PLXNA4: variants seen among roughly 807,000 people sequenced by gnomAD.
PLXNA4 encodes plexin-A4.
Under a neutral mutation model 191.8 loss-of-function variants are expected in PLXNA4, and 44 were observed. That is an observed-to-expected ratio of 0.23 (90% CI 0.18 to 0.29). PLXNA4 has a LOEUF of 0.29. Among genes scored for constraint, PLXNA4 ranks in the 10% least tolerant of loss-of-function variants. PLXNA4 has a pLI of 1.00. For missense variants in PLXNA4, 1,800 were observed against 2,488.8 expected (o/e 0.72, Z 5.89); for synonymous variants, 1,082 against 1,009.5 (o/e 1.07, Z -1.36).
At chr7:132,222,333 T>A (rs1359286114) in intron 9 of PLXNA4, among the ~76,000 whole-genome samples, 1 of 152,188 alleles carries the variant, frequency 6.6e-6, no homozygotes, top group African/African-American at 2.4e-5. Flanking sequence ...ACATTGACCT[T>A]CCCTTTCAGC....
intron 4 of PLXNA4, among the ~76,000 whole-genome samples, chr7:132,293,097 C>A (rs1005769798): frequency 3.9e-5 from 6 of 152,120 alleles, no homozygotes; most frequent in African/African-American, 1.2e-4. Flanking sequence ...GCCAAGGGAC[C>A]ATGCCAGGAG....
At chr7:132,187,369 C>T (rs1353248641) in intron 15 of PLXNA4, 102 bp downstream of exon 15, 2 of 1,500,120 alleles carry the variant, frequency 1.3e-6, no homozygotes, top group South Asian at 2.7e-5. Flanking sequence ...CAGGTGGTTA[C>T]ACCCTCCCAA....
chr7:132,477,657 A>AT (rs1479715922), intron 3 of PLXNA4, among the ~76,000 whole-genome samples: 1 of 152,120 alleles, frequency 6.6e-6, no homozygotes, highest in Non-Finnish European at 1.5e-5. Context: ...CTTCAAATAC[A>AT]TTTTTTTATT....
chr7:132,275,984 G>GCC (rs1800262168), intron 4 of PLXNA4, among the ~76,000 whole-genome samples: 1 of 152,194 alleles, frequency 6.6e-6, no homozygotes, highest in Non-Finnish European at 1.5e-5. Flanking sequence ...TATGCAGAAA[G>GCC]AGCTTCCTGG....
intron 2 of PLXNA4, among the ~76,000 whole-genome samples, chr7:132,504,997 C>A (rs1000652459): frequency 6.6e-6 from 1 of 152,168 alleles, no homozygotes; most frequent in Non-Finnish European, 1.5e-5. Context: ...CGGGTATCTG[C>A]CAAATCAAAG....
chr7:132,377,776 T>C (rs1804720988), intron 3 of PLXNA4, among the ~76,000 whole-genome samples: 1 of 152,120 alleles, frequency 6.6e-6, no homozygotes, highest in Non-Finnish European at 1.5e-5. Flanking sequence ...CAGGAAGGTA[T>C]GGCCAGGGGT....
intron 4 of PLXNA4, among the ~76,000 whole-genome samples, chr7:132,274,027 A>C (rs959587961): frequency 6.6e-6 from 1 of 152,070 alleles, no homozygotes; most frequent in Non-Finnish European, 1.5e-5. Context: ...GGGCAACAAC[A>C]TGGATAAAGG....
chr7:132,177,186 TGTGCATGC>T (rs1226661505), intron 20 of PLXNA4, among the ~76,000 whole-genome samples: 1 of 151,694 alleles, frequency 6.6e-6, no homozygotes, highest in Non-Finnish European at 1.5e-5. Context: ...TGTATGTGAG[TGTGCATGC>T]ATGTGTGCAT....
intron 3 of PLXNA4, among the ~76,000 whole-genome samples, chr7:132,453,100 TG>T (rs1397345483): frequency 3.3e-5 from 5 of 151,800 alleles, no homozygotes; most frequent in Admixed American, 2.6e-4. Flanking sequence ...ACAAGAGAAG[TG>T]GAGGAAAAGG....
chr7:132,208,062 G>C (rs567313544), intron 10 of PLXNA4, among the ~76,000 whole-genome samples: 2 of 151,308 alleles, frequency 1.3e-5, no homozygotes, highest in Middle Eastern at 3.4e-3. Context: ...ATGGTACCCT[G>C]TTTTCTGTAA....
At chr7:132,378,659 G>A (rs766269729) in intron 3 of PLXNA4, among the ~76,000 whole-genome samples, 9 of 152,002 alleles carry the variant, frequency 5.9e-5, no homozygotes, top group African/African-American at 1.7e-4. Context: ...TCTCTCCTGC[G>A]CAAAATGAGG....
intron 1 of PLXNA4, among the ~76,000 whole-genome samples, chr7:132,531,187 C>A (rs1799603467): frequency 6.6e-6 from 1 of 152,176 alleles, no homozygotes; most frequent in African/African-American, 2.4e-5. Flanking sequence ...ATTAATGCCA[C>A]TGAATTTTAC....
In PLXNA4 at chr7:132,385,255, G is replaced by A. The variant is rs183271681; in HGVS notation, c.1372-87033C>T. The A allele has an allele frequency of 6.6e-3, 10,628 of 1,613,960 alleles. 37 individuals are homozygous for A. The highest frequency in any genetic ancestry group is 8.2e-3 in the Non-Finnish European group (9,704 of 1,179,924). ...TGTTGCTCTGTGGGATCGGGGTCCC[G>A]TCTGTAGCTCAAGGGTAGGGCAGAG... is the stretch of plus-strand genomic sequence containing the variant. On this transcript the variant is annotated intron_variant, in intron 3 of 31. Coordinates refer to ENST00000321063, the MANE Select transcript of PLXNA4 (RefSeq NM_020911.2).
intron 1 of PLXNA4, among the ~76,000 whole-genome samples, chr7:132,517,236 G>C (rs1798977450): frequency 1.3e-5 from 2 of 152,204 alleles, no homozygotes; most frequent in Non-Finnish European, 2.9e-5. Context: ...AGCGATGGAT[G>C]ACATTTCCCA....
chr7:132,403,178 C>G (rs1003636945), intron 3 of PLXNA4, among the ~76,000 whole-genome samples: 3 of 152,184 alleles, frequency 2.0e-5, no homozygotes, highest in Non-Finnish European at 2.9e-5. Flanking sequence ...GCCCAGGTCC[C>G]GGCCCCAGAC....
intron 4 of PLXNA4, among the ~76,000 whole-genome samples, chr7:132,281,858 A>G (rs1470480768): frequency 6.6e-6 from 1 of 152,220 alleles, no homozygotes. Context: ...TGTACAAAAA[A>G]TTTCCGTGGT....
chr7:132,446,986 A>G (rs1229179478), intron 3 of PLXNA4, among the ~76,000 whole-genome samples: 1 of 152,042 alleles, frequency 6.6e-6, no homozygotes, highest in African/African-American at 2.4e-5. Context: ...TTCATTAGGC[A>G]TCTTTGCCCA....
rs369301365 is a variant in PLXNA4 at position 132,333,498 on chromosome 7, TG to T, written c.1372-35277del. On this transcript the variant is annotated intron_variant, in intron 3 of 31. Transcript: ENST00000321063. Reference sequence around the variant, plus strand: ...CAGGGGAGGTGTGATGGGAGGCACCTGGGCCTCCTCCCCTGACTCCTGCTGC... The same window carrying T: ...CAGGGGAGGTGTGATGGGAGGCACCTGGCCTCCTCCCCTGACTCCTGCTGC... Among the ~76,000 whole-genome samples, 74 of 152,278 alleles carry T rather than the reference TG, an allele frequency of 4.9e-4. 1 individual carries two copies. The East Asian group carries it at 0.014, about 29-fold the overall frequency.
intron 3 of PLXNA4, among the ~76,000 whole-genome samples, chr7:132,393,486 G>A (rs1228304028): frequency 6.6e-6 from 1 of 152,082 alleles, no homozygotes; most frequent in Non-Finnish European, 1.5e-5. Context: ...GATTATCATG[G>A]GAGCACCCTT....
Sources: allele counts gnomAD v4.1 joint callset (sites outside exome capture counted in the v4.1 genomes callset), GRCh38; gene constraint gnomAD v4.1.1; transcripts MANE v1.5; gene names NCBI Gene and HGNC (gene_info 2026-07-23, HGNC 2026-07-21).